CD9: variants seen among roughly 807,000 people sequenced by gnomAD.
CD9 encodes the protein CD9 antigen.
Under a neutral mutation model 31.4 loss-of-function variants are expected in CD9, and 10 were observed. The observed-to-expected ratio is 0.32, with a 90% confidence interval of 0.20 to 0.54. CD9 has a LOEUF of 0.54. Ranked by LOEUF, CD9 falls within the 20% of genes least tolerant of loss-of-function variation. The probability of loss-of-function intolerance (pLI) is 0.94; values close to 1 mark genes in which losing one functional copy is unlikely to be tolerated. For synonymous variants in CD9, 113 were observed against 114.1 expected (o/e 0.99, Z 0.06); for missense variants, 259 against 300.1 (o/e 0.86, Z 1.01).
chr12:6,232,961 C>T lies in CD9; in HGVS notation c.273+232C>T, dbSNP rs934092182. 1.4e-5 allele frequency: 10 copies of T among 702,514 alleles called. No homozygotes were observed. In the South Asian group the frequency reaches 1.5e-4, roughly 10 times the overall value. 43.5% of individuals were successfully genotyped at this position (702,514 alleles called of 1,614,324 possible). On this transcript the variant is annotated intron_variant, in intron 3 of 7. Coordinates refer to ENST00000009180, the MANE Select transcript of CD9 (RefSeq NM_001769.4). This position sits in a 1 kb window ranked among gnomAD's most constrained non-coding sequence, Gnocchi z 4.8. ...GGCAACTAAAAGGACTATGTTTCCC[C>T]CTTTTCTCGAGGACCACGTTTGCTT...
At chr12:6,235,687 C>G in intron 6 of CD9, 122 bp downstream of exon 6, 1 of 1,442,528 alleles carries the variant, frequency 6.9e-7, no homozygotes, top group Non-Finnish European at 9.1e-7. Context: ...TGAAAGGGCC[C>G]CAGGGCACCC....
chr12:6,234,515 C>T (rs1946490923), intron 4 of CD9: 1 of 151,708 alleles, frequency 6.6e-6, no homozygotes, highest in Non-Finnish European at 1.5e-5. Flanking sequence ...CAGCTACAGC[C>T]ATAGAAATAG....
At chr12:6,237,631 G>A (rs1946538166) in intron 7 of CD9, 132 bp from the exon 8 acceptor site, 3 of 607,810 alleles carry the variant, frequency 4.9e-6, no homozygotes, top group Non-Finnish European at 8.9e-6. Context: ...AGCACCTTCT[G>A]ACTCGTTTGG....
intron 2 of CD9, chr12:6,226,496 G>T (rs1018209264): frequency 7.9e-5 from 12 of 152,192 alleles, no homozygotes; most frequent in Non-Finnish European, 1.5e-4. Flanking sequence ...ACAAACGAGG[G>T]AGAAAACAGT....
chr12:6,214,552 T>A (rs1299073154), intron 1 of CD9, among the ~76,000 whole-genome samples: 1 of 151,990 alleles, frequency 6.6e-6, no homozygotes, highest in East Asian at 1.9e-4. Flanking sequence ...TTTTACCATA[T>A]TGCCCAGGCT....
intron 6 of CD9, 26 bp downstream of exon 6, chr12:6,235,591 TC>T (rs1946509757): frequency 6.3e-7 from 1 of 1,592,532 alleles, no homozygotes; most frequent in East Asian, 2.2e-5. Flanking sequence ...GATCCTGGTG[TC>T]CCTGCCCCCA....
At chr12:6,224,409 C>T (rs929146862) in intron 1 of CD9, among the ~76,000 whole-genome samples, 1 of 152,084 alleles carries the variant, frequency 6.6e-6, no homozygotes, top group African/African-American at 2.4e-5. Flanking sequence ...CTGGGTGGCC[C>T]TTCCCACTAT....
At chr12:6,217,972 C>A (rs967073298) in intron 1 of CD9, among the ~76,000 whole-genome samples, 2 of 152,118 alleles carry the variant, frequency 1.3e-5, no homozygotes, top group African/African-American at 4.8e-5. Flanking sequence ...TGCTTGTAAT[C>A]CCAGCACTTT....
At chr12:6,212,578 C>A (rs1291121340) in intron 1 of CD9, among the ~76,000 whole-genome samples, 1 of 152,234 alleles carries the variant, frequency 6.6e-6, no homozygotes, top group African/African-American at 2.4e-5. Flanking sequence ...TGCACTAGCA[C>A]CCCTGGAAAG....
chr12:6,232,320 T>G lies in CD9; in HGVS notation c.176-312T>G, dbSNP rs1946455896. On this transcript the variant is annotated intron_variant, in intron 2 of 7. Transcript: ENST00000009180. The surrounding 1 kb of genome is among the most constrained non-coding windows in gnomAD (Gnocchi z 4.8). The stretch of plus-strand genomic sequence containing the variant: ...AGACTGGACCAGTTTGCATTCCGAA[T>G]GTAGGGATTCCCGTGGATATTCTCT... The G allele has an allele frequency of 1.4e-5, 6 of 440,378 alleles. No individual in the cohort carries two copies. Among genetic ancestry groups the G allele is most frequent in the East Asian group, 4.7e-5 (1 of 21,060 alleles). 27.3% of individuals were successfully genotyped at this position (440,378 alleles called of 1,614,324 possible).
At chr12:6,209,261 G>A (rs942826760) in intron 1 of CD9, among the ~76,000 whole-genome samples, 1 of 152,176 alleles carries the variant, frequency 6.6e-6, no homozygotes, top group Non-Finnish European at 1.5e-5. Flanking sequence ...CACCGGGCTC[G>A]TCGTAGCTTT....
chr12:6,237,934 C>A lies in CD9; in HGVS notation c.*106C>A. On this transcript the variant is annotated 3_prime_UTR_variant, in exon 8 of 8. Transcript: ENST00000009180. ...TTGTTTGTTGTTTGTTTTTTTGCCA[C>A]TAATTTTAGTATTCATTCTGCATTG... 2 of 824,966 alleles carry A rather than the reference C, an allele frequency of 2.4e-6. No individual in the cohort carries two copies. Among genetic ancestry groups the A allele is most frequent in the Non-Finnish European group, 4.0e-6 (2 of 497,294 alleles). The allele number at this position is 824,966 out of a possible 1,614,324, so 51.1% of individuals were successfully genotyped here.
At chr12:6,221,468 T>G (rs1205441887) in intron 1 of CD9, among the ~76,000 whole-genome samples, 1 of 152,146 alleles carries the variant, frequency 6.6e-6, no homozygotes, top group Admixed American at 6.5e-5. Flanking sequence ...GATGATAGGC[T>G]GGGGTGGGGC....
At chr12:6,221,833 A>G (rs1048627491) in intron 1 of CD9, among the ~76,000 whole-genome samples, 13 of 148,384 alleles carry the variant, frequency 8.8e-5, no homozygotes, top group African/African-American at 9.8e-5. Flanking sequence ...AAAAAAAAAA[A>G]GGGTTTAAAA....
At chr12:6,200,210 TG>T (rs1329566500), upstream of CD9, 2 of 120,880 alleles carry the variant, frequency 1.7e-5, no homozygotes, top group Admixed American at 2.4e-4. Context: ...GCGGGGCAGC[TG>T]GGGCCGGGGC....
intron 1 of CD9, among the ~76,000 whole-genome samples, chr12:6,205,617 T>C (rs1946122316): frequency 6.6e-6 from 1 of 151,894 alleles, no homozygotes; most frequent in Non-Finnish European, 1.5e-5. Flanking sequence ...TGTCTGCTTT[T>C]GTTTGTTTGT....
upstream of CD9, chr12:6,200,214 G>T (rs1258426512): frequency 6.2e-6 from 1 of 161,852 alleles, no homozygotes; most frequent in African/African-American, 2.5e-5. Context: ...GGCAGCTGGG[G>T]CCGGGGCTCG....
chr12:6,200,392 C>T (rs1206021388), upstream of CD9: 2 of 700,976 alleles, frequency 2.9e-6, no homozygotes, highest in Admixed American at 2.1e-5. Flanking sequence ...AGCCGGAGAC[C>T]AGCCTACAGC....
At chr12:6,221,149 T>TA (rs201485612) in intron 1 of CD9, among the ~76,000 whole-genome samples, 2,434 of 152,244 alleles carry the variant, frequency 0.016, 33 homozygotes, top group South Asian at 0.026. Context: ...AAATTTCCAG[T>TA]AAAACAATGG....
Sources: gnomAD v4.1 joint callset for allele counts (sites outside exome capture counted in the v4.1 genomes callset) on GRCh38, gnomAD v4.1.1 for gene constraint, Gnocchi (gnomAD v3.1) non-coding constraint, MANE v1.5 for transcripts, NCBI Gene and HGNC (gene_info 2026-07-23, HGNC 2026-07-21) for gene names.